The following SCAMP2 variants were observed in gnomAD, a reference collection of about 807,000 sequenced individuals.
SCAMP2 encodes secretory carrier membrane protein 2.
A neutral mutation model predicts 44.1 loss-of-function variants in SCAMP2; 25 were observed. That is an observed-to-expected ratio of 0.57 (90% CI 0.41 to 0.79). SCAMP2 has a LOEUF of 0.79. Among genes scored for constraint, SCAMP2 ranks in the 30% least tolerant of loss-of-function variants. The pLI is 0.00. For missense variants in SCAMP2, 355 were observed against 411.0 expected, an observed-to-expected ratio of 0.86 and a Z score of 1.18; for synonymous variants, 156 against 166.0, an observed-to-expected ratio of 0.94 and a Z score of 0.46.
intron 3 of SCAMP2, chr15:74,853,581 C>A: frequency 2.5e-6 from 1 of 404,356 alleles, no homozygotes; most frequent in South Asian, 1.7e-5. Flanking sequence ...CGCAGTGGAG[C>A]ACCAGGCACA....
chr15:74,871,735 A>G (rs1366526444), intron 1 of SCAMP2, among the ~76,000 whole-genome samples: 3 of 98,382 alleles, frequency 3.0e-5, no homozygotes, highest in Non-Finnish European at 6.4e-5. Flanking sequence ...CTGGGCAACA[A>G]GAGCAAAACT....
Position 74,845,011 on chromosome 15 carries a change from T to G in SCAMP2, c.*72A>C. 6.5e-7 allele frequency: 1 copy of G among 1,539,460 alleles called. No homozygotes were observed. The highest frequency in any genetic ancestry group is 8.8e-7 in the Non-Finnish European group (1 of 1,130,176). On this transcript the variant is annotated 3_prime_UTR_variant, in exon 9 of 9. Transcript: ENST00000268099. ...TGTGCTGGGCACAACCACCACCACA[T>G]AAGGCACCCACGGAAAGTGCAGCTC...
At chr15:74,868,082 C>T (rs139630111) in intron 1 of SCAMP2, among the ~76,000 whole-genome samples, 165 of 152,248 alleles carry the variant, frequency 1.1e-3, no homozygotes, top group Admixed American at 2.1e-3. Context: ...AAGCAGAGAC[C>T]GAAATACTCA....
At chr15:74,867,091 C>T (rs1217212828) in intron 1 of SCAMP2, among the ~76,000 whole-genome samples, 5 of 152,274 alleles carry the variant, frequency 3.3e-5, no homozygotes, top group East Asian at 3.9e-4. Context: ...CACTGCGCCC[C>T]AGCCTCAGTG....
At chr15:74,856,936 C>T (rs1037539139) in intron 1 of SCAMP2, among the ~76,000 whole-genome samples, 4 of 152,146 alleles carry the variant, frequency 2.6e-5, no homozygotes, top group Non-Finnish European at 4.4e-5. Flanking sequence ...TTAGACATAG[C>T]CACAGAGTGA....
At chr15:74,851,208 C>A in intron 5 of SCAMP2, 145 bp downstream of exon 5, 2 of 902,016 alleles carry the variant, frequency 2.2e-6, no homozygotes, top group East Asian at 2.6e-5. Flanking sequence ...TGGGCAGAGG[C>A]ATCTCCCCAA....
At chr15:74,864,597 A>C (rs1861381237) in intron 1 of SCAMP2, among the ~76,000 whole-genome samples, 1 of 152,194 alleles carries the variant, frequency 6.6e-6, no homozygotes, top group Admixed American at 6.6e-5. Flanking sequence ...ATGGTAGGAC[A>C]ACAGCGGGAA....
intron 1 of SCAMP2, 52 bp downstream of exon 1, chr15:74,873,147 G>A (rs371103984): frequency 7.1e-5 from 98 of 1,381,258 alleles, no homozygotes; most frequent in Non-Finnish European, 8.3e-5. Context: ...CCGGGCGGCG[G>A]CCGTGGGCCC....
rs1265799634 is a variant in SCAMP2 at position 74,851,717 on chromosome 15, C to G, written c.344-236G>C. On this transcript the variant is annotated intron_variant, in intron 4 of 8. Coordinates refer to ENST00000268099, the MANE Select transcript of SCAMP2 (RefSeq NM_005697.5). ...CCCCAAATGCACTGGGAAATACAGA[C>G]AGCTAAATGGCCTAAGTGATTATTT... Among the ~76,000 whole-genome samples, 4 of 152,194 alleles carry G rather than the reference C, an allele frequency of 2.6e-5. No homozygotes were observed. In the East Asian group the frequency reaches 7.7e-4, roughly 29 times the overall value.
intron 7 of SCAMP2, among the ~76,000 whole-genome samples, chr15:74,847,077 T>C (rs2064404191): frequency 6.7e-6 from 1 of 148,438 alleles, no homozygotes; most frequent in Non-Finnish European, 1.5e-5. Context: ...ATACACCTAT[T>C]GTCAGTTAAT....
At chr15:74,867,406 A>G (rs1271549822) in intron 1 of SCAMP2, among the ~76,000 whole-genome samples, 1 of 152,170 alleles carries the variant, frequency 6.6e-6, no homozygotes, top group Non-Finnish European at 1.5e-5. Flanking sequence ...CTATCTCTCT[A>G]CCCAAGTTTT....
At chr15:74,868,298 G>C (rs1167828358) in intron 1 of SCAMP2, among the ~76,000 whole-genome samples, 2 of 152,294 alleles carry the variant, frequency 1.3e-5, no homozygotes, top group South Asian at 2.1e-4. Flanking sequence ...CCACACGCAA[G>C]GAAGAGGTCA....
chr15:74,845,588 C>T lies in SCAMP2; in HGVS notation c.740G>A (p.Trp247Ter). Residue 247 changes from tryptophan to a stop codon, truncating the protein, a stop_gained, in exon 8 of 9, where the codon TGG becomes TAG. Coordinates refer to ENST00000268099, the MANE Select transcript of SCAMP2 (RefSeq NM_005697.5). LOFTEE classifies it high-confidence loss of function. ...ATCCAGTGTAGACAGGGCTGCAATC[C>T]AACCGCTATAAAGGGAAGAAGAGGC... ...VGIPGLGDSGWIAALSTLDNH... is the reference protein window; with the variant it reads ...VGIPGLGDSG 1 of 1,613,994 alleles carries T rather than the reference C, an allele frequency of 6.2e-7. No homozygotes were observed. The highest frequency in any genetic ancestry group is 8.5e-7 in the Non-Finnish European group (1 of 1,179,966).
chr15:74,857,072 A>C (rs1408759837), intron 1 of SCAMP2, among the ~76,000 whole-genome samples: 2 of 152,142 alleles, frequency 1.3e-5, no homozygotes, highest in Admixed American at 1.3e-4. Context: ...CTCTGGTTTT[A>C]TCACAGATAC....
At chr15:74,855,830 G>A (rs2064465713) in intron 1 of SCAMP2, among the ~76,000 whole-genome samples, 1 of 151,960 alleles carries the variant, frequency 6.6e-6, no homozygotes, top group Non-Finnish European at 1.5e-5. Context: ...GAGATATGAT[G>A]AGCTGAGGTG....
chr15:74,854,159 C>T lies in SCAMP2; in HGVS notation c.127-40G>A, dbSNP rs2064453396. On this transcript the variant is annotated intron_variant, in intron 2 of 8. Transcript: ENST00000268099. ...TCAAAAGACAGAATTGAGTGGGACT[C>T]CATTAGCTGGTGACGAGGGGGCAAA... 3.2e-6 allele frequency: 5 copies of T among 1,572,812 alleles called. No individual in the cohort carries two copies. In the South Asian group the frequency reaches 4.4e-5, roughly 14 times the overall value.
intron 7 of SCAMP2, 134 bp downstream of exon 7, chr15:74,848,466 C>A: frequency 1.7e-6 from 1 of 603,072 alleles, no homozygotes; most frequent in Non-Finnish European, 3.0e-6. Context: ...CAGATCCGAG[C>A]TGGCCCACTC....
chr15:74,870,174 TCATGC>T (rs1447818699), intron 1 of SCAMP2, among the ~76,000 whole-genome samples: 1 of 152,206 alleles, frequency 6.6e-6, no homozygotes, highest in African/African-American at 2.4e-5. Flanking sequence ...CTGCTTCCTG[TCATGC>T]CATATCCTGG....
chr15:74,847,086 A>ATTTTTTTTTTT (rs34231883), intron 7 of SCAMP2, among the ~76,000 whole-genome samples: 6 of 109,308 alleles, frequency 5.5e-5, no homozygotes, highest in African/African-American at 1.0e-4. Flanking sequence ...TTGTCAGTTA[A>ATTTTTTTTTTT]TTTTTTTTTT....
Sources: gnomAD v4.1 joint callset for allele counts (sites outside exome capture counted in the v4.1 genomes callset) on GRCh38, gnomAD v4.1.1 for gene constraint, MANE v1.5 for transcripts, NCBI Gene and HGNC (gene_info 2026-07-23, HGNC 2026-07-21) for gene names.